Variants in NCKAP5L observed in about 807,000 individuals in gnomAD.
The protein encoded by NCKAP5L is nck-associated protein 5-like.
In NCKAP5L, 54 loss-of-function variants were observed where a neutral mutation model predicts 103.2. The observed-to-expected ratio is 0.52, with a 90% confidence interval of 0.42 to 0.66. NCKAP5L has a LOEUF of 0.66. Among genes scored for constraint, NCKAP5L ranks in the 30% least tolerant of loss-of-function variants. The probability of loss-of-function intolerance (pLI) is 0.00; values close to 1 mark genes in which losing one functional copy is unlikely to be tolerated. For missense variants in NCKAP5L, 1,733 were observed against 1,750.6 expected, an observed-to-expected ratio of 0.99 and a Z score of 0.18; for synonymous variants, 762 against 748.6, an observed-to-expected ratio of 1.02 and a Z score of -0.29.
intron 1 of NCKAP5L, among the ~76,000 whole-genome samples, chr12:49,806,373 C>T (rs1326841344): frequency 6.6e-6 from 1 of 152,228 alleles, no homozygotes; most frequent in Non-Finnish European, 1.5e-5. Context: ...CTTTACAACC[C>T]GGTTCTACAA....
chr12:49,817,766 T>C (rs960662578), intron 1 of NCKAP5L, among the ~76,000 whole-genome samples: 1 of 152,162 alleles, frequency 6.6e-6, no homozygotes, highest in Non-Finnish European at 1.5e-5. Context: ...GATATTCACA[T>C]GCAGAAGACT....
chr12:49,821,921 C>T (rs1946365533), intron 1 of NCKAP5L, among the ~76,000 whole-genome samples: 1 of 152,158 alleles, frequency 6.6e-6, no homozygotes, highest in Non-Finnish European at 1.5e-5. Flanking sequence ...ACTGGGGAAC[C>T]CTGGGATGAG....
At position 49,795,658 on chromosome 12, in the gene NCKAP5L, G is replaced by A; in HGVS notation, c.2202C>T (p.Asn734=). 2 of 1,612,550 alleles carry A rather than the reference G, an allele frequency of 1.2e-6. No individual in the cohort carries two copies. ...GTCCAGGTTCCTGCTGCTTCAGGCTGTTTGTGCCCAAGGCCACTGCCCCCC... is the reference window on the plus strand; with the variant it reads ...GTCCAGGTTCCTGCTGCTTCAGGCTATTTGTGCCCAAGGCCACTGCCCCCC... The part of the protein sequence containing the change: ...GIRGAVALGT[N]SLKQQEPGLM... The change falls in exon 8 of 13, where the codon AAC becomes AAT. Residue 734 remains asparagine (N), a synonymous_variant. Transcript: ENST00000335999.
intron 1 of NCKAP5L, among the ~76,000 whole-genome samples, chr12:49,816,202 G>A (rs1055423694): frequency 2.6e-5 from 4 of 152,088 alleles, no homozygotes; most frequent in Non-Finnish European, 5.9e-5. Context: ...GCCCTTCCTT[G>A]TATTTCTGCA....
Position 49,795,437 on chromosome 12 carries a change from T to C in NCKAP5L, c.2423A>G (p.Asn808Ser). 6.3e-7 allele frequency: 1 copy of C among 1,581,116 alleles called. No homozygotes were observed. The highest frequency in any genetic ancestry group is 1.2e-5 in the South Asian group (1 of 85,490). The change falls in exon 8 of 13, where the codon AAT (asparagine) becomes AGT (serine). Residue 808 changes from asparagine (N) to serine (S), a missense_variant. Physicochemically the swap from Asn to Ser is conservative, Grantham distance 46. Transcript: ENST00000335999. ...PTSAPSLGKP[N>S]KSPHSSPTKL... ...GGTGGGGCTGCTGTGAGGGCTCTTA[T>C]TGGGCTTGCCCAGGCTTGGGGCTGA...
intron 2 of NCKAP5L, chr12:49,805,473 T>C (rs1946169570): frequency 6.6e-6 from 1 of 152,264 alleles, no homozygotes; most frequent in Non-Finnish European, 1.5e-5. Context: ...TTTTCTTTCA[T>C]ACAAATATTG....
chr12:49,800,057 T>C (rs1363569423), intron 6 of NCKAP5L, among the ~76,000 whole-genome samples: 1 of 152,128 alleles, frequency 6.6e-6, no homozygotes, highest in African/African-American at 2.4e-5. Context: ...TAGCTGGACA[T>C]GGTGGCGCAT....
rs765535474 is a variant in NCKAP5L at position 49,796,473 on chromosome 12, G to A, written c.1387C>T (p.Pro463Ser). 2.0e-6 allele frequency: 3 copies of A among 1,532,872 alleles called. No homozygotes were observed. The highest frequency in any genetic ancestry group is 8.8e-7 in the Non-Finnish European group (1 of 1,140,998). The allele number at this position is 1,532,872 out of a possible 1,614,324, so 95.0% of individuals were successfully genotyped here. ...ARGLKFLKLP[P>S]TSEKSPSPGG... Reference sequence around the variant, plus strand: ...GGGCTGGGGCTCTTCTCCGAGGTTGGAGGCAGCTTTAGAAACTTGAGACCC... The same window carrying A: ...GGGCTGGGGCTCTTCTCCGAGGTTGAAGGCAGCTTTAGAAACTTGAGACCC... The change falls in exon 8 of 13, where the codon CCA (proline) becomes TCA (serine). Residue 463 changes from proline (P) to serine (S), a missense_variant. Coordinates refer to ENST00000335999, the MANE Select transcript of NCKAP5L (RefSeq NM_001037806.4).
chr12:49,803,814 G>A (rs1259331986), intron 3 of NCKAP5L, 108 bp downstream of exon 3: 2 of 1,409,094 alleles, frequency 1.4e-6, no homozygotes, highest in African/African-American at 2.9e-5. Flanking sequence ...AGGCCGAGAG[G>A]AAGGCCCATG....
intron 1 of NCKAP5L, among the ~76,000 whole-genome samples, chr12:49,820,506 G>A (rs987729965): frequency 7.2e-5 from 11 of 151,910 alleles, no homozygotes; most frequent in African/African-American, 2.4e-4. Context: ...TAGTAGAGAC[G>A]GTGTTTCACC....
rs1270401668 is a variant in NCKAP5L at position 49,795,454 on chromosome 12, T to C, written c.2406A>G (p.Pro802=). 6.4e-7 allele frequency: 1 copy of C among 1,566,912 alleles called. No homozygotes were observed. ...RTPAKVPTSA[P]SLGKPNKSPH... is the part of the protein sequence containing the mutation. ...GGCTCTTATTGGGCTTGCCCAGGCTTGGGGCTGAGGTTGGCACTTTGGCAG... is the reference window on the plus strand; with the variant it reads ...GGCTCTTATTGGGCTTGCCCAGGCTCGGGGCTGAGGTTGGCACTTTGGCAG... The change falls in exon 8 of 13, where the codon CCA becomes CCG. Residue 802 remains proline, a synonymous_variant. Coordinates refer to ENST00000335999, the MANE Select transcript of NCKAP5L (RefSeq NM_001037806.4).
At chr12:49,804,230 C>T in intron 2 of NCKAP5L, 150 bp from the exon 3 acceptor site, 1 of 589,678 alleles carries the variant, frequency 1.7e-6, no homozygotes, top group Non-Finnish European at 2.9e-6. Context: ...GGTCACGGGG[C>T]AGACAACACA....
intron 1 of NCKAP5L, among the ~76,000 whole-genome samples, chr12:49,813,233 C>T (rs1476159066): frequency 6.6e-6 from 1 of 152,074 alleles, no homozygotes; most frequent in Non-Finnish European, 1.5e-5. Flanking sequence ...AGATTGTTGT[C>T]CAGAGCAGGT....
At position 49,795,465 on chromosome 12, in the gene NCKAP5L, T is replaced by C; in HGVS notation, c.2395A>G (p.Thr799Ala). 1 of 1,550,662 alleles carries C rather than the reference T, an allele frequency of 6.4e-7. No homozygotes were observed. The highest frequency in any genetic ancestry group is 1.3e-5 in the South Asian group (1 of 79,508). ...QVPRTPAKVP[T>A]SAPSLGKPNK... ...GGCTTGCCCAGGCTTGGGGCTGAGG[T>C]TGGCACTTTGGCAGGGGTACGGGGT... The change falls in exon 8 of 13, where the codon ACC becomes GCC. Residue 799 changes from threonine (T) to alanine (A), a missense_variant. Thr to Ala is a moderately conservative substitution (Grantham distance 58). Transcript: ENST00000335999.
chr12:49,811,240 G>A (rs1222000934), intron 1 of NCKAP5L, among the ~76,000 whole-genome samples: 1 of 152,180 alleles, frequency 6.6e-6, no homozygotes, highest in East Asian at 1.9e-4. Flanking sequence ...CACCACAGAA[G>A]GCCAGCTCAG....
At chr12:49,821,723 C>T (rs1357414483) in intron 1 of NCKAP5L, among the ~76,000 whole-genome samples, 1 of 152,208 alleles carries the variant, frequency 6.6e-6, no homozygotes, top group Non-Finnish European at 1.5e-5. Flanking sequence ...CTTTTTTGAT[C>T]ACCACTGTAT....
At chr12:49,794,735 A>C in intron 8 of NCKAP5L, 30 bp downstream of exon 8, 3 of 1,433,922 alleles carry the variant, frequency 2.1e-6, no homozygotes, top group African/African-American at 1.5e-5. Context: ...AAGCCCACCA[A>C]GCCCCTGTTG....
intron 1 of NCKAP5L, among the ~76,000 whole-genome samples, chr12:49,821,613 C>A (rs1422897076): frequency 6.6e-6 from 1 of 152,270 alleles, no homozygotes; most frequent in Non-Finnish European, 1.5e-5. Context: ...CTAGGTGGGG[C>A]AGGTCCTTGG....
Position 49,821,585 on chromosome 12 carries a change from C to T in NCKAP5L, c.-99+6737G>A, listed in dbSNP as rs552163492. ...ATGTGTGCCATGTCATGTGCCTCGG[C>T]ACGGGCCACCCCCAACACTAGGTGG... On this transcript the variant is annotated intron_variant, in intron 1 of 12. Transcript: ENST00000335999. Among the ~76,000 whole-genome samples, 176 of 152,386 alleles carry T rather than the reference C, an allele frequency of 1.2e-3. 6 individuals are homozygous for T. In the South Asian group the frequency reaches 0.035, roughly 31 times the overall value.
Sources: allele counts gnomAD v4.1 joint callset (sites outside exome capture counted in the v4.1 genomes callset), GRCh38; gene constraint gnomAD v4.1.1; transcripts MANE v1.5; gene names NCBI Gene and HGNC (gene_info 2026-07-23, HGNC 2026-07-21).